The following CTNNA1 variants were observed in gnomAD, a reference collection of about 807,000 sequenced individuals.
CTNNA1 encodes catenin alpha-1.
In CTNNA1, 37 loss-of-function variants were observed where a neutral mutation model predicts 98.4. The observed-to-expected ratio is 0.38, with a 90% CI of 0.29 to 0.49. The LOEUF is 0.49. Among genes scored for constraint, CTNNA1 ranks in the 20% least tolerant of loss-of-function variants. The pLI is 0.95. For synonymous variants in CTNNA1, 404 were observed against 413.2 expected, an observed-to-expected ratio of 0.98 and a Z score of 0.27; for missense variants, 761 against 1,147.2, an observed-to-expected ratio of 0.66 and a Z score of 4.86.
At chr5:138,762,038 G>A (rs1438557146) in intron 1 of CTNNA1, 1 of 152,234 alleles carries the variant, frequency 6.6e-6, no homozygotes, top group African/African-American at 2.4e-5. Flanking sequence ...TTACAGGCGT[G>A]ACCCACTGCG....
chr5:138,830,725 G>A (rs2149792897), intron 7 of CTNNA1, among the ~76,000 whole-genome samples: 1 of 152,348 alleles, frequency 6.6e-6, no homozygotes, highest in Middle Eastern at 3.4e-3. Flanking sequence ...TGTGACACAT[G>A]CAAAGCAGTG....
chr5:138,892,327 AGTTTTTTTTTTT>A (rs1755577531), intron 9 of CTNNA1, among the ~76,000 whole-genome samples: 1 of 103,186 alleles, frequency 9.7e-6, no homozygotes, highest in Non-Finnish European at 1.9e-5. Context: ...AAAATAGCTT[AGTTTTTTTTTTT>A]TTTTTTTTTT....
intron 9 of CTNNA1, among the ~76,000 whole-genome samples, chr5:138,889,484 G>T (rs1187072419): frequency 1.3e-5 from 2 of 152,202 alleles, no homozygotes; most frequent in Non-Finnish European, 2.9e-5. Context: ...GTGCACTCAA[G>T]CTCACTGGCT....
intron 1 of CTNNA1, among the ~76,000 whole-genome samples, chr5:138,773,481 T>A (rs983854433): frequency 6.6e-6 from 1 of 152,066 alleles, no homozygotes. Context: ...GGGCAAGAAG[T>A]AAGTGATCAA....
At chr5:138,784,035 G>A (rs1206511498) in intron 3 of CTNNA1, among the ~76,000 whole-genome samples, 2 of 152,202 alleles carry the variant, frequency 1.3e-5, no homozygotes, top group Admixed American at 6.5e-5. Flanking sequence ...GTGGAAGGAA[G>A]ACTTTAAATA....
intron 7 of CTNNA1, among the ~76,000 whole-genome samples, chr5:138,881,598 C>T (rs1160881294): frequency 6.6e-6 from 1 of 152,218 alleles, no homozygotes; most frequent in African/African-American, 2.4e-5. Flanking sequence ...TGGTTGTGAG[C>T]AACAGCTTGG....
intron 3 of CTNNA1, among the ~76,000 whole-genome samples, chr5:138,796,102 G>C (rs978580203): frequency 5.3e-5 from 8 of 152,020 alleles, no homozygotes; most frequent in Non-Finnish European, 1.0e-4. Context: ...AGAGTAATAT[G>C]ATTTAAGAAC....
intron 1 of CTNNA1, among the ~76,000 whole-genome samples, chr5:138,768,558 G>GTT (rs36038829): frequency 0.02 from 1,341 of 67,474 alleles, 71 homozygotes; most frequent in African/African-American, 0.055. Flanking sequence ...AACGGTGTCT[G>GTT]TTTTTTTTTT....
chr5:138,931,752 C>T, intron 16 of CTNNA1: 1 of 985,564 alleles, frequency 1.0e-6, no homozygotes, highest in Non-Finnish European at 1.2e-6. Context: ...AAATGCAGAT[C>T]ACATGGCTCT....
intron 3 of CTNNA1, among the ~76,000 whole-genome samples, chr5:138,808,992 A>C (rs565431396): frequency 1.3e-5 from 2 of 152,112 alleles, no homozygotes; most frequent in African/African-American, 4.8e-5. Context: ...ATTTTTAAAA[A>C]TTTTTTTAAA....
intron 2 of CTNNA1, chr5:138,782,334 C>G (rs1208153734): frequency 8.2e-6 from 4 of 490,454 alleles, no homozygotes; most frequent in Non-Finnish European, 1.6e-5. Context: ...AAGGTGGAGT[C>G]TGGATCCTTG....
Position 138,753,425 on chromosome 5 carries a change from C to G in CTNNA1, c.-88C>G, listed in dbSNP as rs1052532556. 8.1e-6 allele frequency: 3 copies of G among 371,422 alleles called. No individual in the cohort carries two copies. Among genetic ancestry groups the G allele is most frequent in the Admixed American group, 4.6e-5 (1 of 21,656 alleles). 23.0% of individuals were successfully genotyped at this position (371,422 alleles called of 1,614,324 possible). On this transcript the variant is annotated 5_prime_UTR_variant, in exon 1 of 18. Coordinates refer to ENST00000302763, the MANE Select transcript of CTNNA1 (RefSeq NM_001903.5). ...GCGGGGGCGTGGGGCGGCCCATTTC[C>G]TCCTCCTAGCCGGACTGGAGGGAGA...
At chr5:138,783,154 A>T in intron 2 of CTNNA1, 23 bp from the exon 3 acceptor site, 1 of 1,538,694 alleles carries the variant, frequency 6.5e-7, no homozygotes, top group Non-Finnish European at 8.8e-7. Flanking sequence ...ACTCCAGTTT[A>T]ATGTTAAAAA....
intron 17 of CTNNA1, chr5:138,933,039 C>A: frequency 2.6e-6 from 2 of 755,312 alleles, no homozygotes; most frequent in Non-Finnish European, 4.8e-6. Flanking sequence ...GAGGCTGAGA[C>A]ACAATAATTA....
intron 9 of CTNNA1, among the ~76,000 whole-genome samples, chr5:138,888,587 G>A (rs1188152553): frequency 3.3e-5 from 5 of 152,070 alleles, no homozygotes; most frequent in Admixed American, 1.3e-4. Flanking sequence ...TTGCTGTGTA[G>A]CCCAGGCTGA....
intron 9 of CTNNA1, among the ~76,000 whole-genome samples, chr5:138,891,920 T>A (rs1009912647): frequency 3.3e-5 from 5 of 152,188 alleles, no homozygotes; most frequent in Non-Finnish European, 5.9e-5. Context: ...GCAAAGTCAT[T>A]TCTCTGCTGT....
intron 13 of CTNNA1, among the ~76,000 whole-genome samples, chr5:138,928,214 C>T (rs953137693): frequency 6.6e-6 from 1 of 152,204 alleles, no homozygotes; most frequent in Non-Finnish European, 1.5e-5. Flanking sequence ...CTGCCTGCTG[C>T]CCCCTTACTG....
intron 7 of CTNNA1, among the ~76,000 whole-genome samples, chr5:138,846,539 T>G (rs1287437151): frequency 6.6e-6 from 1 of 152,212 alleles, no homozygotes; most frequent in Non-Finnish European, 1.5e-5. Flanking sequence ...TTGTTCATCT[T>G]ACATGAAGTA....
intron 3 of CTNNA1, among the ~76,000 whole-genome samples, chr5:138,787,695 A>C (rs1581005207): frequency 1.3e-5 from 2 of 152,332 alleles, no homozygotes; most frequent in East Asian, 3.9e-4. Context: ...TTGGGTTTGT[A>C]CATGTCCATT....
Sources: allele counts gnomAD v4.1 joint callset (sites outside exome capture counted in the v4.1 genomes callset), GRCh38; gene constraint gnomAD v4.1.1; transcripts MANE v1.5; gene names NCBI Gene and HGNC (gene_info 2026-07-23, HGNC 2026-07-21).